Variants in PBX3 observed in about 807,000 individuals in gnomAD.
The protein encoded by PBX3 is PBX homeobox 3.
Under a neutral mutation model 48.5 loss-of-function variants are expected in PBX3, and 14 were observed. The ratio of observed to expected loss-of-function variants is 0.29; its 90% CI spans 0.19 to 0.45. The LOEUF is 0.45. Ranked by LOEUF, PBX3 falls within the 20% of genes least tolerant of loss-of-function variation. PBX3 has a pLI of 1.00. For synonymous variants in PBX3, 210 were observed against 200.3 expected (o/e 1.05, Z -0.41); for missense variants, 386 against 546.7 (o/e 0.71, Z 2.93).
intron 2 of PBX3, among the ~76,000 whole-genome samples, chr9:125,750,194 A>C (rs1381746179): frequency 6.6e-6 from 1 of 152,216 alleles, no homozygotes; most frequent in East Asian, 1.9e-4. Flanking sequence ...GCTGACAGCC[A>C]AGCACTGGGG....
chr9:125,959,739 G>A (rs1256907082), intron 5 of PBX3, among the ~76,000 whole-genome samples: 1 of 152,200 alleles, frequency 6.6e-6, no homozygotes, highest in Non-Finnish European at 1.5e-5. Flanking sequence ...CCTTTGACAG[G>A]ATTATTAAGA....
chr9:125,821,845 G>A (rs1838661638), intron 2 of PBX3, among the ~76,000 whole-genome samples: 2 of 152,038 alleles, frequency 1.3e-5, no homozygotes, highest in South Asian at 4.1e-4. Flanking sequence ...ACCCCTTAAA[G>A]GCTGCTAATG....
chr9:125,761,058 T>G (rs535740328), intron 2 of PBX3, among the ~76,000 whole-genome samples: 3 of 152,322 alleles, frequency 2.0e-5, no homozygotes, highest in Admixed American at 2.0e-4. Context: ...TTAAGAGATA[T>G]GAAATTAGTG....
At chr9:125,879,643 T>G (rs1490221006) in intron 2 of PBX3, among the ~76,000 whole-genome samples, 1 of 152,152 alleles carries the variant, frequency 6.6e-6, no homozygotes, top group Non-Finnish European at 1.5e-5. Flanking sequence ...AATGCCATAT[T>G]TTGTTGATTA....
intron 2 of PBX3, among the ~76,000 whole-genome samples, chr9:125,842,879 C>T (rs112680352): frequency 5.3e-5 from 8 of 152,140 alleles, no homozygotes; most frequent in African/African-American, 1.9e-4. Flanking sequence ...GAGTTTGTTT[C>T]AAATATAATT....
intron 2 of PBX3, among the ~76,000 whole-genome samples, chr9:125,885,332 T>C (rs953753629): frequency 2.6e-5 from 4 of 152,210 alleles, no homozygotes; most frequent in Non-Finnish European, 4.4e-5. Context: ...ATTTAGGTTA[T>C]TAAATGCTAA....
At chr9:125,942,293 C>T (rs1841973247) in intron 5 of PBX3, among the ~76,000 whole-genome samples, 1 of 152,058 alleles carries the variant, frequency 6.6e-6, no homozygotes, top group African/African-American at 2.4e-5. Flanking sequence ...TCCCCAGGGC[C>T]CAGGCTGCAG....
At chr9:125,915,642 T>C (rs766599457) in intron 2 of PBX3, 44 bp from the exon 3 acceptor site, 2 of 1,480,770 alleles carry the variant, frequency 1.4e-6, no homozygotes, top group Non-Finnish European at 1.8e-6. Context: ...TGTCCTCTGT[T>C]TCTCGCTTCT....
intron 2 of PBX3, among the ~76,000 whole-genome samples, chr9:125,849,253 G>C (rs1363963541): frequency 6.6e-6 from 1 of 151,848 alleles, no homozygotes; most frequent in Non-Finnish European, 1.5e-5. Context: ...TTTATTTGCA[G>C]ATATAACAGA....
chr9:125,915,790 G>C lies in PBX3; in HGVS notation c.379G>C (p.Gly127Arg), dbSNP rs1807248437. 11 of 1,614,096 alleles carry C rather than the reference G, an allele frequency of 6.8e-6. No individual in the cohort carries two copies. Among genetic ancestry groups the C allele is most frequent in the Non-Finnish European group, 9.3e-6 (11 of 1,180,008 alleles). The change falls in exon 3 of 9, where the codon GGG becomes CGG. Residue 127 changes from glycine (G) to arginine (R), a missense_variant. By Grantham distance (125) the Gly-to-Arg change is moderately radical (BLOSUM62 -2). Transcript: ENST00000373489. Reference protein sequence around the residue: ...AEGVSGPEKGGGSAAAAAAAA... With the variant: ...AEGVSGPEKGRGSAAAAAAAA... ...AGGGGTTTCAGGTCCTGAGAAAGGT[G>C]GGGGATCGGCGGCAGCAGCTGCAGC... is the stretch of plus-strand genomic sequence containing the variant.
At chr9:125,796,710 A>G (rs1837791390) in intron 2 of PBX3, among the ~76,000 whole-genome samples, 1 of 152,176 alleles carries the variant, frequency 6.6e-6, no homozygotes, top group Non-Finnish European at 1.5e-5. Flanking sequence ...ACTGAAAAGC[A>G]TTAGTCAAGT....
chr9:125,889,022 C>T (rs559099832), intron 2 of PBX3, among the ~76,000 whole-genome samples: 3 of 152,168 alleles, frequency 2.0e-5, no homozygotes, highest in Non-Finnish European at 2.9e-5. Context: ...TAGGTATTCT[C>T]ACCCACAGCA....
chr9:125,872,602 A>G (rs1840151866), intron 2 of PBX3, among the ~76,000 whole-genome samples: 1 of 151,940 alleles, frequency 6.6e-6, no homozygotes, highest in African/African-American at 2.4e-5. Flanking sequence ...TCACAAAAAA[A>G]TTTTAAAAAT....
At chr9:125,865,487 T>G (rs556559420) in intron 2 of PBX3, among the ~76,000 whole-genome samples, 14 of 152,230 alleles carry the variant, frequency 9.2e-5, no homozygotes, top group Non-Finnish European at 2.1e-4. Flanking sequence ...AAATATAAGT[T>G]TCTTTCCATA....
rs187787181 is a variant in PBX3, at chr9:125,838,652, A to C, written c.275-77034A>C. 4.2e-3 allele frequency among the ~76,000 whole-genome samples: 643 copies of C among 152,342 alleles called. 9 individuals carry two copies. Among genetic ancestry groups the C allele is most frequent in the Non-Finnish European group, 5.5e-3 (377 of 68,026 alleles). ...GTAATTGTTGATTGCTAGTTGTGCAACTTACTGTTATTTGTTATTTACAAG... is the reference window on the plus strand; with the variant it reads ...GTAATTGTTGATTGCTAGTTGTGCACCTTACTGTTATTTGTTATTTACAAG... On this transcript the variant is annotated intron_variant, in intron 2 of 8. Transcript: ENST00000373489.
rs557533025 is a variant in PBX3, at chr9:125,798,004, C to T, written c.274+49381C>T. Among the ~76,000 whole-genome samples the T allele has an allele frequency of 1.4e-4, 21 of 152,274 alleles. No individual in the cohort carries two copies. In the South Asian group the frequency reaches 4.4e-3, roughly 32 times the overall value. On this transcript the variant is annotated intron_variant, in intron 2 of 8. Transcript: ENST00000373489. ...GGTTTCATTTTTGTTGGTCCTGCTG[C>T]TGTTTCACAGATTTCAATGTGGCTT... is the stretch of plus-strand genomic sequence containing the variant.
chr9:125,878,520 A>C (rs1455114264), intron 2 of PBX3, among the ~76,000 whole-genome samples: 3 of 152,220 alleles, frequency 2.0e-5, no homozygotes, highest in Non-Finnish European at 4.4e-5. Context: ...GTTGAACTGC[A>C]GGAGGTAGCC....
At chr9:125,861,386 A>G (rs573658949) in intron 2 of PBX3, among the ~76,000 whole-genome samples, 2 of 152,200 alleles carry the variant, frequency 1.3e-5, no homozygotes, top group African/African-American at 4.8e-5. Flanking sequence ...ATCCTCCTAC[A>G]CAGCTGGTGG....
intron 5 of PBX3, among the ~76,000 whole-genome samples, chr9:125,939,802 A>C (rs1841919960): frequency 1.3e-5 from 2 of 152,252 alleles, no homozygotes; most frequent in African/African-American, 2.4e-5. Context: ...AAATTGGAGA[A>C]TACACGTAAC....
Sources: allele counts gnomAD v4.1 joint callset (sites outside exome capture counted in the v4.1 genomes callset), GRCh38; gene constraint gnomAD v4.1.1; transcripts MANE v1.5; gene names NCBI Gene and HGNC (gene_info 2026-07-23, HGNC 2026-07-21).